Variants in FBXL3 observed in about 807,000 individuals in gnomAD.
FBXL3 encodes F-box/LRR-repeat protein 3.
A neutral mutation model predicts 37.9 loss-of-function variants in FBXL3; 14 were observed. The observed-to-expected ratio is 0.37, with a 90% CI of 0.24 to 0.58. The LOEUF is 0.58. FBXL3 is among the 20% of genes least tolerant of loss of function. The pLI, the probability that FBXL3 is intolerant of heterozygous loss-of-function variation, is 0.74. For missense variants in FBXL3, 327 were observed against 511.1 expected (o/e 0.64, Z 3.47); for synonymous variants, 194 against 180.1 (o/e 1.08, Z -0.62).
In FBXL3 at chr13:77,007,420, C is replaced by G; in HGVS notation, c.1012G>C (p.Val338Leu). Residue 338 changes from valine to leucine, a missense_variant, in exon 5 of 5, where the codon GTA becomes CTA. Physicochemically the swap from Val to Leu is conservative, Grantham distance 32. Coordinates refer to ENST00000355619, the MANE Select transcript of FBXL3 (RefSeq NM_012158.4). The stretch of plus-strand genomic sequence containing the variant: ...GGCCGTAATCCATTTGCACACACTA[C>G]TAGTTCAACCAGTCTAGGGCATGTC... ...GMTCPRLVEL[V>L]VCANGLRPLD... The G allele has an allele frequency of 6.2e-7, 1 of 1,614,146 alleles. No homozygotes were observed. The highest frequency in any genetic ancestry group is 1.1e-5 in the South Asian group (1 of 91,070).
intron 1 of FBXL3, among the ~76,000 whole-genome samples, chr13:77,025,639 G>A (rs1271488877): frequency 7.6e-6 from 1 of 132,038 alleles, no homozygotes; most frequent in Non-Finnish European, 1.5e-5. Context: ...CTAGAGCCGA[G>A]ATCGCGCCAC....
intron 4 of FBXL3, 102 bp from the exon 5 acceptor site, chr13:77,007,890 AC>A: frequency 1.2e-6 from 1 of 867,080 alleles, no homozygotes; most frequent in Non-Finnish European, 1.7e-6. Flanking sequence ...CAGTTCCCTT[AC>A]CACAAAACTA....
chr13:77,025,008 ACTT>A (rs1461368894), intron 1 of FBXL3, among the ~76,000 whole-genome samples: 26 of 152,226 alleles, frequency 1.7e-4, no homozygotes, highest in African/African-American at 6.0e-4. Context: ...AATTTACACT[ACTT>A]TAATAGTATC....
In FBXL3 at chr13:77,015,401, C is replaced by A. The variant is rs769080695; in HGVS notation, c.643+8G>T. ...ACTAAAATGTGTCTAGCAAAAAACA[C>A]AACATACCTGCTGGAGAGACATGAG... On this transcript the variant is annotated splice_region_variant and intron_variant, in intron 4 of 4. Transcript: ENST00000355619. 6.6e-7 allele frequency: 1 copy of A among 1,518,592 alleles called. No individual in the cohort carries two copies. Among genetic ancestry groups the A allele is most frequent in the South Asian group, 1.3e-5 (1 of 74,910 alleles). 94.1% of individuals were successfully genotyped at this position (1,518,592 alleles called of 1,614,324 possible). A position where few individuals can be genotyped will look rare whatever the true frequency, so the allele number is the denominator to read the frequency against.
rs888461026 is a variant in FBXL3 at position 77,007,928 on chromosome 13, T to C, written c.644-140A>G. ...ATAATTTAAAATGTGCATAGTTGAA[T>C]TAGAAGGGAAGTAACAAACATTTAA... On this transcript the variant is annotated intron_variant, in intron 4 of 4. Coordinates refer to ENST00000355619, the MANE Select transcript of FBXL3 (RefSeq NM_012158.4). 4.1e-5 allele frequency: 25 copies of C among 613,128 alleles called. No homozygotes were observed. In the East Asian group the frequency reaches 6.9e-4, roughly 17 times the overall value. The allele number at this position is 613,128 out of a possible 1,614,324, so 38.0% of individuals were successfully genotyped here. A position where few individuals can be genotyped will look rare whatever the true frequency, so the allele number is the denominator to read the frequency against.
chr13:77,018,589 A>C lies in FBXL3; in HGVS notation c.471+11T>G. ...CTCAGTAATAGATAATAAAACAAAA[A>C]CAGCAGATACCTTTGGTAAATCCAT... On this transcript the variant is annotated intron_variant, in intron 3 of 4. Coordinates refer to ENST00000355619, the MANE Select transcript of FBXL3 (RefSeq NM_012158.4). 6.4e-7 allele frequency: 1 copy of C among 1,554,776 alleles called. No individual in the cohort carries two copies. Among genetic ancestry groups the C allele is most frequent in the Non-Finnish European group, 8.6e-7 (1 of 1,156,920 alleles).
rs576180258 is a variant in FBXL3, at chr13:77,023,333, GGAGA to G, written c.-1-1476_-1-1473del. On this transcript the variant is annotated intron_variant, in intron 1 of 4. Transcript: ENST00000355619. ...CCCGACTCTATTTTTGCTTTAAAAT[GGAGA>G]GAGAGAGAGTGTGTGTGTGTGTGTG... Among the ~76,000 whole-genome samples the G allele has an allele frequency of 2.3e-3, 339 of 147,586 alleles. 1 individual carries two copies. Among genetic ancestry groups the G allele is most frequent in the Non-Finnish European group, 3.7e-3 (250 of 67,572 alleles).
intron 2 of FBXL3, among the ~76,000 whole-genome samples, chr13:77,020,096 T>C (rs1445016841): frequency 1.3e-5 from 2 of 152,172 alleles, no homozygotes; most frequent in Non-Finnish European, 2.9e-5. Context: ...CCTTCTTCCC[T>C]GGGGGTATGG....
In FBXL3 at chr13:77,015,429, C is replaced by A; in HGVS notation, c.623G>T (p.Cys208Phe). 6.3e-7 allele frequency: 1 copy of A among 1,591,384 alleles called. No homozygotes were observed. The highest frequency in any genetic ancestry group is 8.5e-7 in the Non-Finnish European group (1 of 1,170,728). ...CATACCTGCTGGAGAGACATGAGGA[C>A]AGCTGCTCATTTTCAACAGCTTGAG... The part of the protein sequence containing the change: ...DTLKLLKMSS[C>F]PHVSPAGILC... Residue 208 changes from cysteine to phenylalanine, a missense_variant, in exon 4 of 5, where the codon TGT (cysteine) becomes TTT (phenylalanine). By Grantham distance (205) the Cys-to-Phe change is radical. Coordinates refer to ENST00000355619, the MANE Select transcript of FBXL3 (RefSeq NM_012158.4).
intron 3 of FBXL3, 151 bp from the exon 4 acceptor site, chr13:77,015,731 G>T: frequency 2.3e-6 from 1 of 439,716 alleles, no homozygotes; most frequent in Non-Finnish European, 3.8e-6. Flanking sequence ...TCTGTTGTTG[G>T]GAATATGGTA....
chr13:77,025,879 T>G (rs1383859968), intron 1 of FBXL3, among the ~76,000 whole-genome samples: 1 of 152,116 alleles, frequency 6.6e-6, no homozygotes, highest in Non-Finnish European at 1.5e-5. Flanking sequence ...TGTTCTGCTT[T>G]TACTAATATC....
chr13:77,019,031 G>A (rs2034695277), intron 2 of FBXL3: 2 of 204,784 alleles, frequency 9.8e-6, no homozygotes. Flanking sequence ...CTTTTACACT[G>A]ATTTATTCCA....
chr13:77,007,898 A>T, intron 4 of FBXL3, 110 bp from the exon 5 acceptor site: 1 of 801,552 alleles, frequency 1.2e-6, no homozygotes. Flanking sequence ...TTACCACAAA[A>T]CTATATAATT....
chr13:77,025,686 T>TAAAAA (rs1371974868), intron 1 of FBXL3, among the ~76,000 whole-genome samples: 1 of 14,692 alleles, frequency 6.8e-5, no homozygotes, highest in South Asian at 1.3e-3. Flanking sequence ...AGTCCTTGTC[T>TAAAAA]CAAAAAAAAA....
At chr13:77,024,269 C>T (rs1035280395) in intron 1 of FBXL3, among the ~76,000 whole-genome samples, 1 of 152,090 alleles carries the variant, frequency 6.6e-6, no homozygotes, top group Non-Finnish European at 1.5e-5. Flanking sequence ...TGAAGGCTTA[C>T]TTTAATTTTA....
Position 77,025,132 on chromosome 13 carries a change from T to C in FBXL3, c.-2+1695A>G, listed in dbSNP as rs2034813359. 2.0e-5 allele frequency among the ~76,000 whole-genome samples: 3 copies of C among 152,214 alleles called. No homozygotes were observed. In the South Asian group the frequency reaches 6.2e-4, roughly 31 times the overall value. ...CAATGGACCCTATAATTCCTACTTT[T>C]GTCAAAGTGAAAACACCTCCTATAT... On this transcript the variant is annotated intron_variant, in intron 1 of 4. Transcript: ENST00000355619.
chr13:77,019,057 C>T (rs1337752214), intron 2 of FBXL3: 1 of 179,436 alleles, frequency 5.6e-6, no homozygotes, highest in Non-Finnish European at 1.2e-5. Context: ...ACTGTATAAA[C>T]TAATGGAGTA....
chr13:77,026,220 G>C, intron 1 of FBXL3: 2 of 985,314 alleles, frequency 2.0e-6, no homozygotes, highest in Non-Finnish European at 2.4e-6. Context: ...CCTGACCCCT[G>C]TCTGCAACCC....
Position 77,021,197 on chromosome 13 carries a change from TTTTTA to T in FBXL3, c.348+311_348+315del, listed in dbSNP as rs148190296. Among the ~76,000 whole-genome samples the T allele has an allele frequency of 5.5e-3, 836 of 152,346 alleles. 2 individuals are homozygous for T. The highest frequency in any genetic ancestry group is 0.019 in the African/African-American group (801 of 41,584). On this transcript the variant is annotated intron_variant, in intron 2 of 4. Transcript: ENST00000355619. ...GCTCTACTCAATTATAATCTCCCAATTTTTATTTTATTAGATATTTCTTCTTCCTC... is the reference window on the plus strand; with the variant it reads ...GCTCTACTCAATTATAATCTCCCAATTTTTATTAGATATTTCTTCTTCCTC...
Sources: allele counts gnomAD v4.1 joint callset (sites outside exome capture counted in the v4.1 genomes callset), GRCh38; gene constraint gnomAD v4.1.1; transcripts MANE v1.5; gene names NCBI Gene and HGNC (gene_info 2026-07-23, HGNC 2026-07-21).